Variants in SLIT1 observed in about 807,000 individuals in gnomAD.
SLIT1 encodes slit guidance ligand 1.
In SLIT1, 66 loss-of-function variants were observed where a neutral mutation model predicts 186.1. The ratio of observed to expected loss-of-function variants is 0.35; its 90% CI spans 0.29 to 0.44. The LOEUF (loss-of-function observed/expected upper bound fraction) is 0.44, where lower values mean the gene tolerates loss of function less well. Among genes scored for constraint, SLIT1 ranks in the 20% least tolerant of loss-of-function variants. The probability of loss-of-function intolerance (pLI) is 1.00; values close to 1 mark genes in which losing one functional copy is unlikely to be tolerated. For missense variants in SLIT1, 1,638 were observed against 2,037.4 expected, an observed-to-expected ratio of 0.80 and a Z score of 3.77; for synonymous variants, 761 against 833.8, an observed-to-expected ratio of 0.91 and a Z score of 1.50.
At position 97,100,814 on chromosome 10, in the gene SLIT1, C is replaced by T. The variant is rs146983424; in HGVS notation, c.414-34728G>A. Among the ~76,000 whole-genome samples, 111 of 152,304 alleles carry T rather than the reference C, an allele frequency of 7.3e-4. 1 individual carries two copies. The East Asian group carries it at 0.014, about 19-fold the overall frequency. Reference sequence around the variant, plus strand: ...GGGCTCCCACTGCCACCCGTTGGTACGCCGCTGCCTCGGCCTTAGGTGACC... The same window carrying T: ...GGGCTCCCACTGCCACCCGTTGGTATGCCGCTGCCTCGGCCTTAGGTGACC... On this transcript the variant is annotated intron_variant, in intron 4 of 36. Coordinates refer to ENST00000266058, the MANE Select transcript of SLIT1 (RefSeq NM_003061.3).
chr10:97,176,125 G>A (rs1850252798), intron 1 of SLIT1, among the ~76,000 whole-genome samples: 1 of 152,112 alleles, frequency 6.6e-6, no homozygotes, highest in African/African-American at 2.4e-5. Context: ...CAAGACTCAG[G>A]GAATCTCAGC....
intron 1 of SLIT1, among the ~76,000 whole-genome samples, chr10:97,171,447 T>C (rs1004326580): frequency 1.3e-5 from 2 of 152,200 alleles, no homozygotes; most frequent in African/African-American, 4.8e-5. Context: ...GAGTGGTCTT[T>C]TCAAGATGCA....
At chr10:97,074,698 A>G (rs559710319) in intron 4 of SLIT1, among the ~76,000 whole-genome samples, 6 of 151,928 alleles carry the variant, frequency 3.9e-5, no homozygotes, top group Non-Finnish European at 8.8e-5. Context: ...CTTGGCCTGG[A>G]AGCATCGGGC....
In SLIT1 at chr10:97,006,737, TA is replaced by T. The variant is rs1174557543; in HGVS notation, c.3342-18del. The T allele has an allele frequency of 2.5e-6, 4 of 1,584,880 alleles. No individual in the cohort carries two copies. The highest frequency in any genetic ancestry group is 1.7e-5 in the Admixed American group (1 of 59,842). ...AGCTGTCCACTGAGAGGAAAGGACA[TA>T]AGTCAGAGAGGGCCAAGGAGGAAGG... is the stretch of plus-strand genomic sequence containing the variant. On this transcript the variant is annotated intron_variant, in intron 31 of 36. Coordinates refer to ENST00000266058, the MANE Select transcript of SLIT1 (RefSeq NM_003061.3). The surrounding 1 kb of genome is among the most constrained non-coding windows in gnomAD (Gnocchi z 4.0).
intron 4 of SLIT1, among the ~76,000 whole-genome samples, chr10:97,134,233 C>A (rs1414418145): frequency 6.6e-6 from 1 of 152,178 alleles, no homozygotes; most frequent in African/African-American, 2.4e-5. Flanking sequence ...CCTCCCACAG[C>A]CTTTGTGTCC....
chr10:97,080,124 A>T (rs1021822684), intron 4 of SLIT1, among the ~76,000 whole-genome samples: 6 of 152,228 alleles, frequency 3.9e-5, no homozygotes, highest in Non-Finnish European at 5.9e-5. Context: ...ATCTGCTACC[A>T]ATGGGCCCCG....
Position 97,063,435 on chromosome 10 carries a change from C to T in SLIT1, c.793+20G>A, listed in dbSNP as rs751293630. The T allele has an allele frequency of 1.5e-5, 24 of 1,611,686 alleles. No individual in the cohort carries two copies. Among genetic ancestry groups the T allele is most frequent in the East Asian group, 6.7e-5 (3 of 44,890 alleles). On this transcript the variant is annotated intron_variant, in intron 8 of 36. Transcript: ENST00000266058. ...AGGAGGCGCCGGACAGTTGAGAGCC[C>T]GGCAGGGGTCTGCACCCACCTGAGC...
chr10:97,002,857 C>G lies in SLIT1; in HGVS notation c.4001G>C (p.Gly1334Ala). 1 of 1,614,202 alleles carries G rather than the reference C, an allele frequency of 6.2e-7. No individual in the cohort carries two copies. The highest frequency in any genetic ancestry group is 8.5e-7 in the Non-Finnish European group (1 of 1,180,042). Reference sequence around the variant, plus strand: ...GCAGGGTTCGCAGCCTGGCACCACGCCTGGCTTCATCTGCGTCTTGGTGAA... The same window carrying G: ...GCAGGGTTCGCAGCCTGGCACCACGGCTGGCTTCATCTGCGTCTTGGTGAA... ...QDFTKTQMKP[G>A]VVPGCEPCRK... The change falls in exon 35 of 37, where the codon GGC becomes GCC. Residue 1334 changes from glycine (G) to alanine (A), a missense_variant. Coordinates refer to ENST00000266058, the MANE Select transcript of SLIT1 (RefSeq NM_003061.3).
intron 4 of SLIT1, among the ~76,000 whole-genome samples, chr10:97,149,603 CACTG>C (rs35396983): frequency 0.14 from 20,679 of 152,036 alleles, 1,512 homozygotes; most frequent in South Asian, 0.19. Context: ...GGCCCTTCCA[CACTG>C]ACTGACTCAG....
chr10:97,152,494 AAG>A (rs1849892474), intron 4 of SLIT1, among the ~76,000 whole-genome samples: 1 of 152,204 alleles, frequency 6.6e-6, no homozygotes, highest in Non-Finnish European at 1.5e-5. Flanking sequence ...TGTCTGACAC[AAG>A]AGAGTGTCAC....
At chr10:97,098,996 T>C (rs1390520220) in intron 4 of SLIT1, among the ~76,000 whole-genome samples, 1 of 152,096 alleles carries the variant, frequency 6.6e-6, no homozygotes, top group Non-Finnish European at 1.5e-5. Flanking sequence ...TGAGACCAGG[T>C]CCTCAGGCAG....
At chr10:97,008,882 A>AT (rs201911875) in intron 31 of SLIT1, among the ~76,000 whole-genome samples, 5,491 of 150,796 alleles carry the variant, frequency 0.036, 154 homozygotes, top group Non-Finnish European at 0.057. Flanking sequence ...TTATTTATTT[A>AT]TTATTATTAT....
chr10:97,171,095 C>G (rs1344041131), intron 1 of SLIT1, among the ~76,000 whole-genome samples: 1 of 152,156 alleles, frequency 6.6e-6, no homozygotes, highest in Non-Finnish European at 1.5e-5. Context: ...ATGCTGTCAC[C>G]GAATAAGACA....
intron 4 of SLIT1, among the ~76,000 whole-genome samples, chr10:97,076,800 T>C (rs1195221069): frequency 2.0e-5 from 3 of 152,216 alleles, no homozygotes; most frequent in Non-Finnish European, 4.4e-5. Context: ...TGAATCTGTT[T>C]GTTTCATCTT....
At chr10:97,110,373 C>A (rs1849453738) in intron 4 of SLIT1, among the ~76,000 whole-genome samples, 1 of 152,178 alleles carries the variant, frequency 6.6e-6, no homozygotes, top group Non-Finnish European at 1.5e-5. Flanking sequence ...AAGCACCTGC[C>A]AGGATGTTCC....
At chr10:97,034,381 G>T in intron 23 of SLIT1, 90 bp downstream of exon 23, 1 of 926,582 alleles carries the variant, frequency 1.1e-6, no homozygotes, top group Non-Finnish European at 1.8e-6. Context: ...GCAGGCGAGG[G>T]ATCTGGGAGC....
chr10:97,158,331 C>CT (rs35803651), intron 3 of SLIT1, among the ~76,000 whole-genome samples: 23,973 of 149,500 alleles, frequency 0.16, 2,030 homozygotes, highest in Middle Eastern at 0.19. Flanking sequence ...AGAGGTTTCA[C>CT]TTTTTTTTTT....
chr10:97,065,744 A>G (rs1848938657), intron 5 of SLIT1: 4 of 405,468 alleles, frequency 9.9e-6, no homozygotes, highest in East Asian at 4.4e-5. Context: ...GACTGAGAAC[A>G]TTGCCCACGC....
At chr10:97,169,971 G>C (rs1374078745) in intron 1 of SLIT1, among the ~76,000 whole-genome samples, 1 of 152,198 alleles carries the variant, frequency 6.6e-6, no homozygotes, top group African/African-American at 2.4e-5. Flanking sequence ...CATGTTGCTG[G>C]ACTCTCCCTT....
Sources: gnomAD v4.1 joint callset for allele counts (sites outside exome capture counted in the v4.1 genomes callset) on GRCh38, gnomAD v4.1.1 for gene constraint, Gnocchi (gnomAD v3.1) non-coding constraint, MANE v1.5 for transcripts, NCBI Gene and HGNC (gene_info 2026-07-23, HGNC 2026-07-21) for gene names.